ANK3: variants seen among roughly 807,000 people sequenced by gnomAD.
ANK3 encodes ankyrin-3.
In ANK3, 57 loss-of-function variants were observed where a neutral mutation model predicts 370.9. The ratio of observed to expected loss-of-function variants is 0.15; its 90% CI spans 0.12 to 0.19. ANK3 has a LOEUF of 0.19. Among genes scored for constraint, ANK3 ranks in the 10% least tolerant of loss-of-function variants. The pLI is 1.00. For missense variants in ANK3, 4,439 were observed against 5,302.1 expected, an observed-to-expected ratio of 0.84 and a Z score of 5.06; for synonymous variants, 1,929 against 1,946.3, an observed-to-expected ratio of 0.99 and a Z score of 0.23.
rs115846974 is a variant in ANK3 at position 60,331,447 on chromosome 10, T to C, written c.115-51808A>G. Among the ~76,000 whole-genome samples, 1,254 of 152,220 alleles carry C rather than the reference T, an allele frequency of 8.2e-3. 20 individuals carry two copies. The highest frequency in any genetic ancestry group is 0.028 in the African/African-American group (1,174 of 41,536). The stretch of plus-strand genomic sequence containing the variant: ...AACAAAATGAAACAGTGTTTTTCTC[T>C]GGTTGACGAGTTAACAGACGACTTA... On this transcript the variant is annotated intron_variant, in intron 1 of 43. Coordinates refer to ENST00000280772, the MANE Select transcript of ANK3 (RefSeq NM_020987.5).
intron 1 of ANK3, among the ~76,000 whole-genome samples, chr10:60,653,741 A>G (rs1486070706): frequency 1.3e-5 from 2 of 152,124 alleles, no homozygotes; most frequent in South Asian, 2.1e-4. Flanking sequence ...GGTGGTGCAC[A>G]CCTGTGGCCC....
intron 1 of ANK3, among the ~76,000 whole-genome samples, chr10:60,666,431 A>T (rs117921832): frequency 0.028 from 4,226 of 152,236 alleles, 92 homozygotes; most frequent in South Asian, 0.071. Context: ...TTGTTGTGTA[A>T]TGAGTACAGA....
intron 2 of ANK3, among the ~76,000 whole-genome samples, chr10:60,404,041 G>A (rs2132910497): frequency 6.6e-6 from 1 of 152,236 alleles, no homozygotes; most frequent in Admixed American, 6.5e-5. Flanking sequence ...TAAATTTAAT[G>A]AAAGACATGT....
At chr10:60,269,294 T>G (rs979622447) in intron 5 of ANK3, among the ~76,000 whole-genome samples, 5 of 152,326 alleles carry the variant, frequency 3.3e-5, no homozygotes, top group African/African-American at 9.6e-5. Flanking sequence ...ATTATTCTAT[T>G]CTAGACAGCA....
Position 60,181,382 on chromosome 10 carries a change from T to C in ANK3, c.2131A>G (p.Asn711Asp). Reference sequence around the variant, plus strand: ...TGGTTTACGAGGACTTCTGCCACATTCACTCGATCTTCTTGAGCAGCCAAA... The same window carrying C: ...TGGTTTACGAGGACTTCTGCCACATCCACTCGATCTTCTTGAGCAGCCAAA... ...LHLAAQEDRV[N>D]VAEVLVNQGA... Residue 711 changes from asparagine to aspartate, a missense_variant, in exon 18 of 44, where the codon AAT becomes GAT. By Grantham distance (23) the Asn-to-Asp change is conservative. Around this residue, in one of 13 missense-constraint regions of ANK3, gnomAD observed 702 missense variants for 941.5 expected, o/e 0.75. Transcript: ENST00000280772. 1.2e-6 allele frequency: 2 copies of C among 1,614,172 alleles called. No homozygotes were observed. Among genetic ancestry groups the C allele is most frequent in the African/African-American group, 2.7e-5 (2 of 75,044 alleles).
At chr10:60,730,238 G>A (rs765936812) in intron 1 of ANK3, among the ~76,000 whole-genome samples, 64 of 151,928 alleles carry the variant, frequency 4.2e-4, no homozygotes, top group Admixed American at 6.6e-4. Flanking sequence ...ACTTACTGTG[G>A]CCTCAACCTC....
At chr10:60,597,649 C>T (rs776535503) in intron 2 of ANK3, among the ~76,000 whole-genome samples, 30 of 152,130 alleles carry the variant, frequency 2.0e-4, no homozygotes, top group Non-Finnish European at 1.0e-4. Flanking sequence ...CAGCTCAAAT[C>T]CTAGATGCCA....
intron 18 of ANK3, among the ~76,000 whole-genome samples, chr10:60,175,035 A>C (rs1215166178): frequency 6.6e-6 from 1 of 152,100 alleles, no homozygotes; most frequent in Non-Finnish European, 1.5e-5. Flanking sequence ...ATGTTAATGC[A>C]CAGGTTCTAT....
chr10:60,699,849 A>C (rs2079522726), intron 1 of ANK3, among the ~76,000 whole-genome samples: 1 of 152,194 alleles, frequency 6.6e-6, no homozygotes, highest in Non-Finnish European at 1.5e-5. Context: ...TTTTAAAATA[A>C]CATATTTAAC....
intron 43 of ANK3, 61 bp downstream of exon 43, chr10:60,042,611 T>A: frequency 6.8e-7 from 1 of 1,467,222 alleles, no homozygotes; most frequent in Non-Finnish European, 9.4e-7. Context: ...ACTTATTTAG[T>A]GAAAAATATA....
At chr10:60,283,019 T>C (rs2098188416) in intron 1 of ANK3, among the ~76,000 whole-genome samples, 1 of 152,212 alleles carries the variant, frequency 6.6e-6, no homozygotes, top group African/African-American at 2.4e-5. Context: ...ATGTCTACTA[T>C]GTGTTAGTCA....
At chr10:60,325,284 C>T (rs906123721) in intron 1 of ANK3, among the ~76,000 whole-genome samples, 2 of 152,224 alleles carry the variant, frequency 1.3e-5, no homozygotes, top group Non-Finnish European at 2.9e-5. Context: ...CTTCCCTATA[C>T]ATGGTTTTCA....
chr10:60,649,794 A>C (rs1437648561), intron 1 of ANK3, among the ~76,000 whole-genome samples: 1 of 152,178 alleles, frequency 6.6e-6, no homozygotes, highest in Non-Finnish European at 1.5e-5. Flanking sequence ...GCTATTCACA[A>C]ACACTCCATT....
At chr10:60,694,285 A>G (rs1452467965) in intron 1 of ANK3, among the ~76,000 whole-genome samples, 1 of 152,226 alleles carries the variant, frequency 6.6e-6, no homozygotes, top group Non-Finnish European at 1.5e-5. Context: ...GGTGTACCTG[A>G]AAGTGACGGG....
intron 11 of ANK3, among the ~76,000 whole-genome samples, chr10:60,203,942 G>A (rs2096722747): frequency 6.6e-6 from 1 of 152,100 alleles, no homozygotes; most frequent in Admixed American, 6.5e-5. Context: ...AAATTTTTCA[G>A]TTTAATTTAG....
chr10:60,598,146 G>T (rs1363606121), intron 2 of ANK3, among the ~76,000 whole-genome samples: 1 of 152,132 alleles, frequency 6.6e-6, no homozygotes, highest in Admixed American at 6.6e-5. Flanking sequence ...TGGGGATCCA[G>T]GAACATCTGT....
chr10:60,620,353 A>G (rs146010212), intron 1 of ANK3, among the ~76,000 whole-genome samples: 322 of 152,334 alleles, frequency 2.1e-3, no homozygotes, highest in African/African-American at 7.3e-3. Flanking sequence ...ACTGCAGTTA[A>G]TCCTTGTATC....
At chr10:60,395,368 G>A (rs1159114292) in intron 2 of ANK3, among the ~76,000 whole-genome samples, 1 of 152,114 alleles carries the variant, frequency 6.6e-6, no homozygotes, top group African/African-American at 2.4e-5. Flanking sequence ...TTTTAAATGT[G>A]GTTATTCGAA....
At chr10:60,406,599 G>T (rs1307613423) in intron 2 of ANK3, among the ~76,000 whole-genome samples, 1 of 152,166 alleles carries the variant, frequency 6.6e-6, no homozygotes, top group Non-Finnish European at 1.5e-5. Flanking sequence ...ACCTCCTGCT[G>T]TGTGGCCTGG....
Sources: gnomAD v4.1 joint callset for allele counts (sites outside exome capture counted in the v4.1 genomes callset) on GRCh38, gnomAD v4.1.1 for gene constraint, gnomAD v4.1.1 regional missense constraint, MANE v1.5 for transcripts, NCBI Gene and HGNC (gene_info 2026-07-23, HGNC 2026-07-21) for gene names.